DIP2C: variants seen among roughly 807,000 people sequenced by gnomAD.
DIP2C encodes disco-interacting protein 2 homolog C.
In DIP2C, 33 loss-of-function variants were observed where a neutral mutation model predicts 192.4. The ratio of observed to expected loss-of-function variants is 0.17; its 90% CI spans 0.13 to 0.23. The LOEUF is 0.23. Ranked by LOEUF, DIP2C falls within the 10% of genes least tolerant of loss-of-function variation. DIP2C has a pLI of 1.00. For synonymous variants in DIP2C, 979 were observed against 864.1 expected (o/e 1.13, Z -2.33); for missense variants, 1,537 against 2,110.1 (o/e 0.73, Z 5.32).
intron 1 of DIP2C, among the ~76,000 whole-genome samples, chr10:606,560 T>TG (rs1478770861): frequency 6.7e-6 from 1 of 148,876 alleles, no homozygotes; most frequent in East Asian, 2.0e-4. Context: ...TCTCATTGGT[T>TG]GGGAAGGGGA....
chr10:512,474 C>G (rs913198918), intron 1 of DIP2C, among the ~76,000 whole-genome samples: 1 of 152,084 alleles, frequency 6.6e-6, no homozygotes, highest in African/African-American at 2.4e-5. Flanking sequence ...ACTCAGGGTG[C>G]TGAGGTGGGA....
At chr10:472,342 G>T in intron 3 of DIP2C, 97 bp downstream of exon 3, 1 of 1,129,058 alleles carries the variant, frequency 8.9e-7, no homozygotes, top group Non-Finnish European at 1.3e-6. Flanking sequence ...GCAGGTCCAC[G>T]CCCACTGCAC....
In DIP2C at chr10:574,000, C is replaced by T. The variant is rs531054939; in HGVS notation, c.86-87470G>A. On this transcript the variant is annotated intron_variant, in intron 1 of 36. Coordinates refer to ENST00000280886, the MANE Select transcript of DIP2C (RefSeq NM_014974.3). ...CGGTCCTCCCTGTCACTTTCCTCAA[C>T]GGGAACACTTTATTCTGTCTTCTAC... Among the ~76,000 whole-genome samples, 73 of 152,328 alleles carry T rather than the reference C, an allele frequency of 4.8e-4. 1 individual carries two copies. Among genetic ancestry groups the T allele is most frequent in the South Asian group, 6.2e-4 (3 of 4,828 alleles).
chr10:478,715 G>C (rs1258333873), intron 2 of DIP2C, among the ~76,000 whole-genome samples: 3 of 151,926 alleles, frequency 2.0e-5, no homozygotes, highest in Non-Finnish European at 4.4e-5. Context: ...CTCGTGTCCG[G>C]GCGTGCTGGG....
intron 1 of DIP2C, among the ~76,000 whole-genome samples, chr10:505,625 C>T (rs1845547651): frequency 6.6e-6 from 1 of 150,376 alleles, no homozygotes; most frequent in Admixed American, 6.6e-5. Flanking sequence ...GCTATATTCC[C>T]TCTGTGGGCA....
chr10:674,184 GAAA>G (rs749831748), intron 1 of DIP2C, among the ~76,000 whole-genome samples: 6 of 152,034 alleles, frequency 3.9e-5, no homozygotes, highest in Non-Finnish European at 5.9e-5. Context: ...TTTAAAAAAA[GAAA>G]AACCAACTCT....
intron 1 of DIP2C, among the ~76,000 whole-genome samples, chr10:560,523 G>A (rs1339526591): frequency 6.6e-6 from 1 of 152,186 alleles, no homozygotes. Flanking sequence ...GTTCTCCCAA[G>A]TCCATTGTTT....
rs988395235 is a variant in DIP2C, at chr10:288,432, A to G, written c.3987-11T>C. ...TCCACTAAGCGGACTCTGCAAACAG[A>G]AAGAGAAAATATTCCTAGATGTGTT... is the stretch of plus-strand genomic sequence containing the variant. On this transcript the variant is annotated splice_polypyrimidine_tract_variant and intron_variant, in intron 32 of 36. Transcript: ENST00000280886. 3.1e-6 allele frequency: 5 copies of G among 1,613,884 alleles called. No homozygotes were observed. Among genetic ancestry groups the G allele is most frequent in the Non-Finnish European group, 4.2e-6 (5 of 1,179,832 alleles).
intron 2 of DIP2C, among the ~76,000 whole-genome samples, chr10:480,460 T>C (rs1314073991): frequency 1.3e-5 from 2 of 152,126 alleles, no homozygotes; most frequent in East Asian, 1.9e-4. Flanking sequence ...CCCTGGTCCA[T>C]GCTCACTGGA....
At chr10:576,727 G>A (rs1279028228) in intron 1 of DIP2C, among the ~76,000 whole-genome samples, 1 of 152,106 alleles carries the variant, frequency 6.6e-6, no homozygotes, top group Non-Finnish European at 1.5e-5. Flanking sequence ...GGCCAACATG[G>A]CAAAACCCCA....
chr10:616,323 T>C (rs1853469043), intron 1 of DIP2C, among the ~76,000 whole-genome samples: 1 of 152,248 alleles, frequency 6.6e-6, no homozygotes, highest in African/African-American at 2.4e-5. Context: ...CTTTAATCTG[T>C]GTTTATTGTC....
intron 35 of DIP2C, among the ~76,000 whole-genome samples, 191 bp from the exon 36 acceptor site, chr10:281,514 T>C (rs1398552766): frequency 6.6e-6 from 1 of 152,260 alleles, no homozygotes; most frequent in East Asian, 1.9e-4. Context: ...CGTGTGCCAG[T>C]ACCCCACAGG....
At chr10:481,623 T>C (rs1843616797) in intron 2 of DIP2C, among the ~76,000 whole-genome samples, 2 of 152,206 alleles carry the variant, frequency 1.3e-5, no homozygotes, top group African/African-American at 4.8e-5. Flanking sequence ...CATCTGCCAT[T>C]TAAATTTACC....
intron 4 of DIP2C, among the ~76,000 whole-genome samples, chr10:429,171 A>T (rs1966778130): frequency 6.6e-6 from 1 of 151,944 alleles, no homozygotes; most frequent in South Asian, 2.1e-4. Context: ...ACATGCTACT[A>T]AAAAATCCTC....
chr10:542,249 C>T (rs532388884), intron 1 of DIP2C, among the ~76,000 whole-genome samples: 5 of 152,354 alleles, frequency 3.3e-5, no homozygotes, highest in African/African-American at 7.2e-5. Flanking sequence ...TGCCAGGTGA[C>T]GGTAACATCA....
intron 3 of DIP2C, among the ~76,000 whole-genome samples, chr10:457,298 G>C (rs756833743): frequency 6.6e-6 from 1 of 152,006 alleles, no homozygotes; most frequent in South Asian, 2.1e-4. Flanking sequence ...TAAGATAAAT[G>C]CTTATTTCTT....
intron 1 of DIP2C, among the ~76,000 whole-genome samples, chr10:681,436 C>T (rs1240250743): frequency 6.6e-6 from 1 of 150,888 alleles, no homozygotes; most frequent in African/African-American, 2.4e-5. Context: ...TCACATGGTG[C>T]AGCCACCATC....
intron 33 of DIP2C, among the ~76,000 whole-genome samples, chr10:287,594 TTATAA>T (rs1482321373): frequency 6.6e-6 from 1 of 151,418 alleles, no homozygotes; most frequent in Non-Finnish European, 1.5e-5. Flanking sequence ...GCAGGCAACT[TTATAA>T]TAGAAGCAAC....
chr10:526,917 G>A (rs1419963669), intron 1 of DIP2C, among the ~76,000 whole-genome samples: 1 of 152,218 alleles, frequency 6.6e-6, no homozygotes, highest in Non-Finnish European at 1.5e-5. Context: ...CGCCTGTCCA[G>A]GTGCATCAGG....
Sources: gnomAD v4.1 joint callset for allele counts (sites outside exome capture counted in the v4.1 genomes callset) on GRCh38, gnomAD v4.1.1 for gene constraint, MANE v1.5 for transcripts, NCBI Gene and HGNC (gene_info 2026-07-23, HGNC 2026-07-21) for gene names.